The following PDE8A variants were observed in gnomAD, a reference collection of about 807,000 sequenced individuals.
The protein encoded by PDE8A is phosphodiesterase 8A.
A neutral mutation model predicts 105.0 loss-of-function variants in PDE8A; 59 were observed. The observed-to-expected ratio is 0.56, with a 90% CI of 0.46 to 0.70. PDE8A has a LOEUF of 0.70. PDE8A is among the 30% of genes least tolerant of loss of function. The pLI is 0.00. For synonymous variants in PDE8A, 355 were observed against 371.9 expected (o/e 0.95, Z 0.52); for missense variants, 1,014 against 1,045.9 (o/e 0.97, Z 0.42).
chr15:85,081,249 G>A (rs1400224142), intron 5 of PDE8A, among the ~76,000 whole-genome samples: 1 of 152,210 alleles, frequency 6.6e-6, no homozygotes, highest in Non-Finnish European at 1.5e-5. Flanking sequence ...GGATTGAAAA[G>A]TAGGTGGAGG....
chr15:85,004,580 ACT>A (rs2080115923), intron 1 of PDE8A, among the ~76,000 whole-genome samples: 1 of 152,014 alleles, frequency 6.6e-6, no homozygotes, highest in African/African-American at 2.4e-5. Context: ...CAGTAAATCC[ACT>A]CTATCGCCTA....
At chr15:84,995,518 A>C (rs546472226) in intron 1 of PDE8A, among the ~76,000 whole-genome samples, 21 of 152,196 alleles carry the variant, frequency 1.4e-4, no homozygotes, top group African/African-American at 4.6e-4. Flanking sequence ...ACAGGGTCTC[A>C]TTATATTGCT....
chr15:85,076,775 T>C lies in PDE8A; in HGVS notation c.534T>C (p.Ala178=), dbSNP rs1176783446. The C allele has an allele frequency of 6.3e-7, 1 of 1,585,156 alleles. No homozygotes were observed. The highest frequency in any genetic ancestry group is 1.1e-5 in the South Asian group (1 of 90,542). ...TGTCCGTAATGCCTTTCATTTCTGC[T>C]GGATTTACAAGGGTATGTACTCACT... ...EELSVMPFIS[A]GFTRRYVENP... Residue 178 remains alanine, a synonymous_variant, in exon 5 of 22, where the codon GCT becomes GCC. Coordinates refer to ENST00000394553, the MANE Select transcript of PDE8A (RefSeq NM_002605.3).
At chr15:85,001,108 C>T (rs980235654) in intron 1 of PDE8A, among the ~76,000 whole-genome samples, 2 of 152,140 alleles carry the variant, frequency 1.3e-5, no homozygotes, top group Non-Finnish European at 2.9e-5. Context: ...TGGGTTCCTG[C>T]GCCCTCTCCA....
intron 5 of PDE8A, among the ~76,000 whole-genome samples, chr15:85,079,417 T>G (rs2081430425): frequency 6.6e-6 from 1 of 152,214 alleles, no homozygotes; most frequent in South Asian, 2.1e-4. Flanking sequence ...GGTATCTTGT[T>G]TTCAAATAAT....
chr15:85,044,447 G>A (rs145366013), intron 1 of PDE8A, among the ~76,000 whole-genome samples: 1 of 152,302 alleles, frequency 6.6e-6, no homozygotes, highest in East Asian at 1.9e-4. Context: ...CTCAAGAGTA[G>A]ACCTTGGTGC....
intron 1 of PDE8A, among the ~76,000 whole-genome samples, chr15:85,024,625 C>T (rs576471948): frequency 6.6e-6 from 1 of 152,024 alleles, no homozygotes; most frequent in African/African-American, 2.4e-5. Context: ...TTGCTTTTCT[C>T]TACCCTCAGC....
intron 1 of PDE8A, among the ~76,000 whole-genome samples, chr15:85,039,996 G>C (rs2080775030): frequency 6.6e-6 from 1 of 152,192 alleles, no homozygotes; most frequent in East Asian, 1.9e-4. Context: ...GTTTCATTTA[G>C]ATAGGAGGAA....
intron 1 of PDE8A, among the ~76,000 whole-genome samples, chr15:85,039,450 T>C (rs1361326514): frequency 6.7e-6 from 1 of 148,860 alleles, no homozygotes; most frequent in Non-Finnish European, 1.5e-5. Context: ...AGATGGAAAA[T>C]AAACGTTGGT....
chr15:84,987,339 T>G lies in PDE8A; in HGVS notation c.186+4991T>G, dbSNP rs773619541. 5.3e-4 allele frequency among the ~76,000 whole-genome samples: 81 copies of G among 152,164 alleles called. 1 individual carries two copies. The highest frequency in any genetic ancestry group is 2.8e-4 in the Non-Finnish European group (19 of 68,030). ...TACCTGAAACCTGTCCCTGACCAGCTTTGACCCTCGCCTTGCTGAGGTAAG... is the reference window on the plus strand; with the variant it reads ...TACCTGAAACCTGTCCCTGACCAGCGTTGACCCTCGCCTTGCTGAGGTAAG... On this transcript the variant is annotated intron_variant, in intron 1 of 21. Coordinates refer to ENST00000394553, the MANE Select transcript of PDE8A (RefSeq NM_002605.3).
intron 1 of PDE8A, among the ~76,000 whole-genome samples, chr15:85,004,740 T>G (rs2142187211): frequency 6.6e-6 from 1 of 152,322 alleles, no homozygotes; most frequent in South Asian, 2.1e-4. Flanking sequence ...TCTATGATGT[T>G]TCTTTGAATA....
chr15:84,982,452 G>A, intron 1 of PDE8A, 104 bp downstream of exon 1: 2 of 651,938 alleles, frequency 3.1e-6, no homozygotes, highest in Non-Finnish European at 2.3e-6. Context: ...CGGCCTCGGT[G>A]CCCTCTTGTC....
intron 21 of PDE8A, among the ~76,000 whole-genome samples, chr15:85,137,313 T>G (rs954959013): frequency 6.6e-6 from 1 of 152,188 alleles, no homozygotes; most frequent in African/African-American, 2.4e-5. Context: ...CTGCATACTC[T>G]GCAGCTCACT....
Position 85,115,441 on chromosome 15 carries a change from T to A in PDE8A, c.1353T>A (p.Asp451Glu). The change falls in exon 15 of 22, where the codon GAT becomes GAA. Residue 451 changes from aspartate (D) to glutamate (E), a missense_variant and splice_region_variant. Transcript: ENST00000394553. Reference protein sequence around the residue: ...ANDLVGGLMSDGLRRLSGNEY... With the variant: ...ANDLVGGLMSEGLRRLSGNEY... ...CTTGTTTCCTTGATTTTTATCAGGA[T>A]GGTTTGCGAAGACTATCAGGGAATG... 1 of 1,540,440 alleles carries A rather than the reference T, an allele frequency of 6.5e-7. No homozygotes were observed. The highest frequency in any genetic ancestry group is 8.8e-7 in the Non-Finnish European group (1 of 1,142,600).
intron 1 of PDE8A, chr15:85,063,296 G>A (rs1374975802): frequency 6.6e-6 from 1 of 152,142 alleles, no homozygotes; most frequent in Non-Finnish European, 1.5e-5. Context: ...GCAGTCAGTT[G>A]GGAAACATTT....
chr15:85,062,254 GTTTT>G (rs1216104856), intron 1 of PDE8A, among the ~76,000 whole-genome samples: 1 of 152,034 alleles, frequency 6.6e-6, no homozygotes, highest in Non-Finnish European at 1.5e-5. Context: ...TGCTGTTATT[GTTTT>G]GTTTTGTTTT....
intron 1 of PDE8A, among the ~76,000 whole-genome samples, chr15:85,016,114 T>C (rs2080321170): frequency 6.6e-6 from 1 of 152,222 alleles, no homozygotes. Context: ...TACTTCAGCC[T>C]GGGTGACCAA....
intron 1 of PDE8A, among the ~76,000 whole-genome samples, chr15:85,043,374 G>C (rs1028126095): frequency 2.0e-5 from 3 of 152,126 alleles, no homozygotes; most frequent in Non-Finnish European, 4.4e-5. Flanking sequence ...TCTTTTGGGA[G>C]GGTGGAGGGA....
intron 5 of PDE8A, among the ~76,000 whole-genome samples, chr15:85,078,502 A>G (rs2081412875): frequency 7.6e-6 from 1 of 131,144 alleles, no homozygotes; most frequent in South Asian, 2.7e-4. Context: ...GTGAGCCGAG[A>G]TTGTGCCACT....
Sources: allele counts gnomAD v4.1 joint callset (sites outside exome capture counted in the v4.1 genomes callset), GRCh38; gene constraint gnomAD v4.1.1; transcripts MANE v1.5; gene names NCBI Gene and HGNC (gene_info 2026-07-23, HGNC 2026-07-21).